UMAD1: variants seen among roughly 807,000 people sequenced by gnomAD.
UMAD1 encodes UBAP1-MVB12-associated (UMA)-domain containing protein 1.
Under a neutral mutation model 6.1 loss-of-function variants are expected in UMAD1, and 8 were observed. The ratio of observed to expected loss-of-function variants is 1.30; its 90% CI spans 0.76 to 2.35. UMAD1 has a LOEUF of 2.35. Among genes scored for constraint, UMAD1 ranks in the 30% most tolerant of loss-of-function variants. The pLI is 0.00. For synonymous variants in UMAD1, 56 were observed against 31.4 expected, an observed-to-expected ratio of 1.78 and a Z score of -2.61; for missense variants, 130 against 78.4, an observed-to-expected ratio of 1.66 and a Z score of -2.49.
intron 2 of UMAD1, among the ~76,000 whole-genome samples, chr7:7,674,650 G>C (rs569490359): frequency 2.9e-4 from 44 of 152,282 alleles, no homozygotes; most frequent in African/African-American, 1.0e-3. Context: ...GGATAAGGTA[G>C]GGTGCAGTGG....
At chr7:7,757,569 A>C (rs1462915313) in intron 2 of UMAD1, among the ~76,000 whole-genome samples, 1 of 152,216 alleles carries the variant, frequency 6.6e-6, no homozygotes, top group Non-Finnish European at 1.5e-5. Flanking sequence ...TAAATGAGGT[A>C]ACTTTTTTGA....
intron 3 of UMAD1, among the ~76,000 whole-genome samples, chr7:7,849,354 A>G (rs1440280439): frequency 3.3e-5 from 5 of 152,184 alleles, no homozygotes; most frequent in East Asian, 1.9e-4. Flanking sequence ...AGGTCACACA[A>G]ATGGGGAGCT....
chr7:7,778,399 A>G (rs1462052362), intron 2 of UMAD1, among the ~76,000 whole-genome samples: 1 of 151,740 alleles, frequency 6.6e-6, no homozygotes, highest in African/African-American at 2.4e-5. Context: ...AATTTTCTGT[A>G]GATTTAAAGT....
intron 1 of UMAD1, among the ~76,000 whole-genome samples, chr7:7,654,902 C>A (rs368546117): frequency 3.6e-3 from 501 of 139,208 alleles, no homozygotes; most frequent in East Asian, 4.8e-3. Context: ...GACTCTGTCT[C>A]AAAAAAAAAA....
At chr7:7,873,210 CAA>C (rs1487278949) in intron 3 of UMAD1, among the ~76,000 whole-genome samples, 1 of 152,142 alleles carries the variant, frequency 6.6e-6, no homozygotes, top group Non-Finnish European at 1.5e-5. Flanking sequence ...TATTAATAAA[CAA>C]GAGACCTGGG....
At chr7:7,680,223 G>A (rs1418623260) in intron 2 of UMAD1, among the ~76,000 whole-genome samples, 1 of 152,072 alleles carries the variant, frequency 6.6e-6, no homozygotes, top group Non-Finnish European at 1.5e-5. Flanking sequence ...TTTGTATGTG[G>A]CGAGAGATAG....
intron 3 of UMAD1, among the ~76,000 whole-genome samples, chr7:7,853,690 A>G (rs1045083472): frequency 4.6e-5 from 7 of 152,184 alleles, no homozygotes; most frequent in African/African-American, 1.2e-4. Context: ...TATTTGTTCC[A>G]ATAGTATTTT....
intron 3 of UMAD1, among the ~76,000 whole-genome samples, chr7:7,832,531 A>C (rs574103799): frequency 1.4e-3 from 207 of 152,312 alleles, no homozygotes; most frequent in Non-Finnish European, 2.3e-3. Flanking sequence ...GAGACCCAGA[A>C]GATAGTGTTA....
chr7:7,671,088 A>C (rs1329875963), intron 1 of UMAD1, among the ~76,000 whole-genome samples: 1 of 152,184 alleles, frequency 6.6e-6, no homozygotes, highest in Non-Finnish European at 1.5e-5. Context: ...ATTGGTGTCT[A>C]AGGGTTGTTT....
chr7:7,675,685 C>T (rs148853756), intron 2 of UMAD1, among the ~76,000 whole-genome samples: 23 of 152,282 alleles, frequency 1.5e-4, no homozygotes, highest in African/African-American at 5.5e-4. Flanking sequence ...TTTCCCAGGA[C>T]CATCTTGGAC....
chr7:7,644,442 T>C (rs1785050372), intron 1 of UMAD1, among the ~76,000 whole-genome samples: 1 of 151,968 alleles, frequency 6.6e-6, no homozygotes, highest in African/African-American at 2.4e-5. Flanking sequence ...TCCATTAAAA[T>C]CTCATTTATG....
chr7:7,875,102 A>G (rs1419741315), intron 3 of UMAD1, among the ~76,000 whole-genome samples: 1 of 152,168 alleles, frequency 6.6e-6, no homozygotes. Context: ...CTTTAGACTT[A>G]CAGTCTAAGA....
At chr7:7,871,917 C>T (rs1327062320) in intron 3 of UMAD1, among the ~76,000 whole-genome samples, 2 of 151,516 alleles carry the variant, frequency 1.3e-5, no homozygotes, top group African/African-American at 2.4e-5. Flanking sequence ...GCCTTAGGCA[C>T]TGCGTGTTTC....
At chr7:7,772,565 G>C (rs1395636370) in intron 2 of UMAD1, 1 of 152,142 alleles carries the variant, frequency 6.6e-6, no homozygotes, top group Non-Finnish European at 1.5e-5. Flanking sequence ...CACAACTCTT[G>C]TTTCCAGTGT....
chr7:7,769,468 G>C (rs1182996640), intron 2 of UMAD1, among the ~76,000 whole-genome samples: 1 of 152,082 alleles, frequency 6.6e-6, no homozygotes, highest in Non-Finnish European at 1.5e-5. Context: ...TTTTCTTCAT[G>C]CGCCTTAGAG....
chr7:7,666,060 T>C (rs946569797), intron 1 of UMAD1, among the ~76,000 whole-genome samples: 1 of 152,226 alleles, frequency 6.6e-6, no homozygotes, highest in Non-Finnish European at 1.5e-5. Flanking sequence ...TATATGTTTA[T>C]GTTTTTAAGA....
chr7:7,826,871 C>T (rs1783351951), intron 3 of UMAD1, among the ~76,000 whole-genome samples: 1 of 152,092 alleles, frequency 6.6e-6, no homozygotes, highest in Non-Finnish European at 1.5e-5. Flanking sequence ...AACTACTAAT[C>T]TTATAACAAT....
At chr7:7,791,887 T>C (rs1230773445) in intron 2 of UMAD1, among the ~76,000 whole-genome samples, 1 of 152,252 alleles carries the variant, frequency 6.6e-6, no homozygotes, top group African/African-American at 2.4e-5. Context: ...CTAAAAGTTG[T>C]ATAGAAATAT....
At chr7:7,654,121 T>C (rs916071940) in intron 1 of UMAD1, among the ~76,000 whole-genome samples, 1 of 152,218 alleles carries the variant, frequency 6.6e-6, no homozygotes, top group Non-Finnish European at 1.5e-5. Flanking sequence ...CTGAAAACCA[T>C]AGGACCATAG....
Sources: allele counts gnomAD v4.1 joint callset (sites outside exome capture counted in the v4.1 genomes callset), GRCh38; gene constraint gnomAD v4.1.1; transcripts MANE v1.5; gene names NCBI Gene and HGNC (gene_info 2026-07-23, HGNC 2026-07-21).